IGFL2: variants seen among roughly 807,000 people sequenced by gnomAD.
IGFL2 encodes IGF like family member 2, also known as insulin growth factor-like family member 2.
IGFL2 carries 7 observed loss-of-function variants against 13.9 expected under a neutral mutation model. The ratio of observed to expected loss-of-function variants is 0.51; its 90% CI spans 0.29 to 0.95. IGFL2 has a LOEUF of 0.95. IGFL2 is among the 40% of genes least tolerant of loss of function. IGFL2 has a pLI of 0.08. For synonymous variants in IGFL2, 55 were observed against 55.8 expected, an observed-to-expected ratio of 0.99 and a Z score of 0.07; for missense variants, 138 against 147.8, an observed-to-expected ratio of 0.93 and a Z score of 0.34.
chr19:46,103,845 A>G, the IGFL2 span, among the ~76,000 whole-genome samples: 1 of 152,126 alleles, frequency 6.6e-6, no homozygotes, highest in Non-Finnish European at 1.5e-5. Context: ...GTTTAAGGGA[A>G]GTAGGGTTGA....
At chr19:46,212,655 C>T in the IGFL2 span, 1 of 152,022 alleles carries the variant, frequency 6.6e-6, no homozygotes, top group Non-Finnish European at 1.5e-5. Flanking sequence ...TTCACAGTGA[C>T]AATGACACCA....
the IGFL2 span, among the ~76,000 whole-genome samples, chr19:46,174,751 CT>C: frequency 1.3e-5 from 2 of 152,202 alleles, no homozygotes; most frequent in Non-Finnish European, 2.9e-5. Context: ...CTCTTTGGAA[CT>C]GGCAGGTGAC....
chr19:46,200,473 CCTTTT>C, the IGFL2 span, among the ~76,000 whole-genome samples: 2,194 of 134,252 alleles, frequency 0.016, 52 homozygotes, highest in African/African-American at 0.047. Flanking sequence ...CACACCTGGC[CCTTTT>C]CTTTTCTTTT....
chr19:46,207,273 C>T, the IGFL2 span: 22 of 152,296 alleles, frequency 1.4e-4, no homozygotes, highest in Admixed American at 5.2e-4. Flanking sequence ...TGCCACTTTT[C>T]TTGGAAGTTG....
the IGFL2 span, among the ~76,000 whole-genome samples, chr19:46,094,705 G>A: frequency 6.6e-6 from 1 of 151,926 alleles, no homozygotes; most frequent in Non-Finnish European, 1.5e-5. Flanking sequence ...ACAGGCCCCA[G>A]TGTGTGTTGT....
the IGFL2 span, among the ~76,000 whole-genome samples, chr19:46,120,811 A>G: frequency 1.3e-5 from 2 of 150,970 alleles, no homozygotes; most frequent in African/African-American, 4.9e-5. Flanking sequence ...AGTAAATTTC[A>G]AGTGTTCTTA....
At position 46,157,406 on chromosome 19, in the gene IGFL2, A is replaced by G. The variant is rs1184746033; in HGVS notation, c.20-3009A>G. Among the ~76,000 whole-genome samples, 3 of 152,234 alleles carry G rather than the reference A, an allele frequency of 2.0e-5. No homozygotes were observed. The East Asian group carries it at 5.8e-4, about 29-fold the overall frequency. The stretch of plus-strand genomic sequence containing the variant: ...AAATATTTGTAAATTAAATTCAGCA[A>G]TATAAAAAAATACTTACACATCATG... On this transcript the variant is annotated intron_variant, in intron 1 of 3. Coordinates refer to ENST00000377693, the MANE Select transcript of IGFL2 (RefSeq NM_001135113.2).
At chr19:46,123,792 T>G in the IGFL2 span, 2 of 1,386,536 alleles carry the variant, frequency 1.4e-6, no homozygotes, top group South Asian at 2.9e-5. Flanking sequence ...TCTTTTGCCG[T>G]TAGAACTCCA....
chr19:46,173,185 T>C, the IGFL2 span, among the ~76,000 whole-genome samples: 2 of 152,368 alleles, frequency 1.3e-5, no homozygotes, highest in Non-Finnish European at 2.9e-5. Flanking sequence ...TGGGGTGGAC[T>C]GTGCTAGACT....
At chr19:46,100,593 G>C in the IGFL2 span, among the ~76,000 whole-genome samples, 1 of 152,210 alleles carries the variant, frequency 6.6e-6, no homozygotes, top group Non-Finnish European at 1.5e-5. Context: ...TGTGGGCCAG[G>C]ATGACAGCAC....
upstream of IGFL2, chr19:46,143,219 A>G (rs986013357): frequency 2.0e-5 from 3 of 152,180 alleles, no homozygotes; most frequent in Admixed American, 2.0e-4. Flanking sequence ...CATAGTAAAT[A>G]TATTTTCTCT....
the IGFL2 span, among the ~76,000 whole-genome samples, chr19:46,133,079 C>T: frequency 6.6e-6 from 1 of 152,138 alleles, no homozygotes; most frequent in Admixed American, 6.5e-5. Flanking sequence ...GAGAAAGACT[C>T]AACCAGCTTG....
downstream of IGFL2, chr19:46,163,980 G>A (rs1165361282): frequency 6.6e-6 from 1 of 152,320 alleles, no homozygotes; most frequent in Admixed American, 6.5e-5. Flanking sequence ...GGAGGTGGCT[G>A]AAGACCCCAT....
chr19:46,203,612 T>G, the IGFL2 span: 1 of 152,416 alleles, frequency 6.6e-6, no homozygotes, highest in Non-Finnish European at 1.5e-5. Context: ...CACAGAGCAC[T>G]CCAGCCACCC....
the IGFL2 span, among the ~76,000 whole-genome samples, chr19:46,168,912 G>GTA: frequency 5.1e-5 from 6 of 118,092 alleles, no homozygotes; most frequent in East Asian, 2.1e-4. Context: ...GTGTGTGTGT[G>GTA]TGTATGTGTG....
the IGFL2 span, among the ~76,000 whole-genome samples, chr19:46,204,512 CAGGGTT>C: frequency 6.6e-6 from 1 of 152,142 alleles, no homozygotes; most frequent in Admixed American, 6.5e-5. Flanking sequence ...TGGAAAGAGA[CAGGGTT>C]CCCAATAACT....
At chr19:46,091,703 T>C in the IGFL2 span, among the ~76,000 whole-genome samples, 6 of 152,210 alleles carry the variant, frequency 3.9e-5, no homozygotes, top group Admixed American at 1.3e-4. Context: ...GTTGCTGATA[T>C]ACAGAAGCAG....
chr19:46,139,335 C>G (rs899062939), upstream of IGFL2, among the ~76,000 whole-genome samples: 7 of 69,316 alleles, frequency 1.0e-4, no homozygotes, highest in Non-Finnish European at 1.4e-4. Context: ...TCTCCCCAAT[C>G]AAAACCAATT....
At chr19:46,103,295 T>C in the IGFL2 span, among the ~76,000 whole-genome samples, 1 of 152,044 alleles carries the variant, frequency 6.6e-6, no homozygotes, top group Non-Finnish European at 1.5e-5. Flanking sequence ...CCTCGGCGAT[T>C]TTGGAGGAAA....
Sources: gnomAD v4.1 joint callset for allele counts (sites outside exome capture counted in the v4.1 genomes callset) on GRCh38, gnomAD v4.1.1 for gene constraint, MANE v1.5 for transcripts, NCBI Gene and HGNC (gene_info 2026-07-23, HGNC 2026-07-21) for gene names.